The following PXK variants were observed in gnomAD, a reference collection of about 807,000 sequenced individuals.
PXK encodes PX domain containing serine/threonine kinase like.
In PXK, 35 loss-of-function variants were observed where a neutral mutation model predicts 84.7. The ratio of observed to expected loss-of-function variants is 0.41; its 90% confidence interval spans 0.32 to 0.55. PXK has a LOEUF of 0.55. Among genes scored for constraint, PXK ranks in the 20% least tolerant of loss-of-function variants. The probability of loss-of-function intolerance (pLI) is 0.21; values close to 1 mark genes in which losing one functional copy is unlikely to be tolerated. For missense variants in PXK, 634 were observed against 699.7 expected (o/e 0.91, Z 1.06); for synonymous variants, 253 against 260.8 (o/e 0.97, Z 0.29).
chr3:58,409,752 A>G lies in PXK; in HGVS notation c.1395+134A>G, dbSNP rs2059913916. 1.4e-6 allele frequency: 1 copy of G among 710,886 alleles called. No homozygotes were observed. Among genetic ancestry groups the G allele is most frequent in the African/African-American group, 2.0e-5 (1 of 49,312 alleles). 44.0% of individuals were successfully genotyped at this position (710,886 alleles called of 1,614,324 possible). Reference sequence around the variant, plus strand: ...TGAAAGCTAAGACTATTTCCAGATGACTGGGGTGCAGTTTTTTTGGGGAAA... The same window carrying G: ...TGAAAGCTAAGACTATTTCCAGATGGCTGGGGTGCAGTTTTTTTGGGGAAA... On this transcript the variant is annotated intron_variant, in intron 15 of 17. Transcript: ENST00000356151. This position sits in a 1 kb window ranked among gnomAD's most constrained non-coding sequence, Gnocchi z 4.2.
rs755694333 is a variant in PXK, at chr3:58,397,087, G to A, written c.871G>A (p.Ala291Thr). 3.7e-6 allele frequency: 6 copies of A among 1,614,110 alleles called. No individual in the cohort carries two copies. The highest frequency in any genetic ancestry group is 1.1e-5 in the South Asian group (1 of 91,078). ...DKGFPYGHLHASNVMLDGDTC... is the reference protein window; with the variant it reads ...DKGFPYGHLHTSNVMLDGDTC... ...GGGATTCCCTTATGGGCATCTTCAC[G>A]CCTCCAATGTGATGCTCGATGGGGA... Residue 291 changes from alanine to threonine, a missense_variant, in exon 10 of 18, where the codon GCC (alanine) becomes ACC (threonine). Physicochemically the swap from Ala to Thr is moderately conservative, Grantham distance 58 (BLOSUM62 0). Transcript: ENST00000356151. The surrounding 1 kb of genome is among the most constrained non-coding windows in gnomAD (Gnocchi z 4.7).
chr3:58,392,112 T>C (rs1029491992), intron 7 of PXK, among the ~76,000 whole-genome samples: 8 of 152,218 alleles, frequency 5.3e-5, no homozygotes, highest in African/African-American at 1.9e-4. Context: ...CAGCTACTTC[T>C]CCCAGCCTGT....
intron 7 of PXK, among the ~76,000 whole-genome samples, chr3:58,392,920 A>G (rs1015498189): frequency 2.6e-5 from 4 of 152,038 alleles, no homozygotes; most frequent in African/African-American, 9.7e-5. Flanking sequence ...TCGACTTCCC[A>G]AAGTGCTGGG....
At position 58,416,568 on chromosome 3, in the gene PXK, C is replaced by G. The variant is rs766953979; in HGVS notation, c.1528+3605C>G. Among the ~76,000 whole-genome samples the G allele has an allele frequency of 7.0e-6, 1 of 143,276 alleles. No homozygotes were observed. Among genetic ancestry groups the G allele is most frequent in the Non-Finnish European group, 1.5e-5 (1 of 65,702 alleles). The allele number at this position is 143,276 out of a possible 152,430, so 94.0% of individuals were successfully genotyped here. On this transcript the variant is annotated intron_variant, in intron 17 of 17. Coordinates refer to ENST00000356151, the MANE Select transcript of PXK (RefSeq NM_017771.5). The surrounding 1 kb of genome is among the most constrained non-coding windows in gnomAD (Gnocchi z 4.8). ...AATCTTTGATTTACATAGGCTTGCT[C>G]TGCCTTCAAGGCCTCTGCAGAGTGA...
rs1318498766 is a variant in PXK at position 58,383,446 on chromosome 3, T to C, written c.388+746T>C. Among the ~76,000 whole-genome samples, 1 of 152,200 alleles carries C rather than the reference T, an allele frequency of 6.6e-6. No individual in the cohort carries two copies. The highest frequency in any genetic ancestry group is 2.4e-5 in the African/African-American group (1 of 41,444). On this transcript the variant is annotated intron_variant, in intron 4 of 17. Coordinates refer to ENST00000356151, the MANE Select transcript of PXK (RefSeq NM_017771.5). The surrounding 1 kb of genome is among the most constrained non-coding windows in gnomAD (Gnocchi z 4.0). ...TATTTACAATATGTTGTGTGTTCTG[T>C]TTTTTCTGGGAATTTACTTTAAACA...
chr3:58,347,710 T>C (rs1164751080), intron 1 of PXK, among the ~76,000 whole-genome samples: 2 of 152,222 alleles, frequency 1.3e-5, no homozygotes, highest in Non-Finnish European at 2.9e-5. Flanking sequence ...TGTGTAGATA[T>C]ATTTTTTCAT....
At chr3:58,336,311 C>G (rs573881306) in intron 1 of PXK, among the ~76,000 whole-genome samples, 1 of 151,808 alleles carries the variant, frequency 6.6e-6, no homozygotes, top group African/African-American at 2.4e-5. Flanking sequence ...GAAGGGAACA[C>G]AAGGTCACCA....
In PXK at chr3:58,399,201, C is replaced by A; in HGVS notation, c.1103-98C>A. The A allele has an allele frequency of 9.6e-7, 1 of 1,040,872 alleles. No homozygotes were observed. The allele number at this position is 1,040,872 out of a possible 1,614,324, so 64.5% of individuals were successfully genotyped here. A position where few individuals can be genotyped will look rare whatever the true frequency, so the allele number is the denominator to read the frequency against. On this transcript the variant is annotated intron_variant, in intron 11 of 17. Coordinates refer to ENST00000356151, the MANE Select transcript of PXK (RefSeq NM_017771.5). The surrounding 1 kb of genome is among the most constrained non-coding windows in gnomAD (Gnocchi z 4.3). ...ATTTTTGACACTGTCCTGATCAGCC[C>A]GCAGACAGTTATTGCAAAGTGGTGT...
At chr3:58,378,062 A>T in intron 3 of PXK, among the ~76,000 whole-genome samples, 1 of 151,982 alleles carries the variant, frequency 6.6e-6, no homozygotes, top group East Asian at 1.9e-4. Context: ...CTAGCAAAAA[A>T]CCGTAAGTTT....
At chr3:58,420,019 G>GGCCT in intron 17 of PXK, among the ~76,000 whole-genome samples, 1 of 152,322 alleles carries the variant, frequency 6.6e-6, no homozygotes, top group Middle Eastern at 3.4e-3. Flanking sequence ...TCTGGCCTTA[G>GGCCT]GCCTGCTCAC....
intron 4 of PXK, among the ~76,000 whole-genome samples, chr3:58,386,018 T>G (rs62258093): frequency 6.6e-6 from 1 of 151,974 alleles, no homozygotes; most frequent in Non-Finnish European, 1.5e-5. Context: ...GATGGCTAAC[T>G]GGGAGCTCTC....
intron 1 of PXK, among the ~76,000 whole-genome samples, chr3:58,347,515 T>G (rs2097846129): frequency 6.6e-6 from 1 of 152,198 alleles, no homozygotes; most frequent in Non-Finnish European, 1.5e-5. Context: ...TGGTCTGGCT[T>G]CTTTTACTTA....
Position 58,409,544 on chromosome 3 carries a change from C to T in PXK, c.1321C>T (p.Arg441Ter), listed in dbSNP as rs770101402. The change falls in exon 15 of 18, where the codon CGA (arginine) becomes TGA (stop). Residue 441 changes from arginine (R) to a stop codon, truncating the protein, a stop_gained. Coordinates refer to ENST00000356151, the MANE Select transcript of PXK (RefSeq NM_017771.5). LOFTEE classifies it high-confidence loss of function. The surrounding 1 kb of genome is among the most constrained non-coding windows in gnomAD (Gnocchi z 4.2). ...IEEQKQIHQH[R>*]RLTRAQSHHG... ...TGGTCTTTTAAAGATTCACCAGCAT[C>T]GAAGACTGACAAGAGCTCAGTCCCA... 5.0e-6 allele frequency: 8 copies of T among 1,613,080 alleles called. No individual in the cohort carries two copies. The highest frequency in any genetic ancestry group is 6.8e-6 in the Non-Finnish European group (8 of 1,179,650).
chr3:58,422,466 G>C (rs779024598), intron 17 of PXK: 72 of 985,310 alleles, frequency 7.3e-5, no homozygotes, highest in Non-Finnish European at 8.7e-5. Context: ...CGTTCCATCT[G>C]CTTTACTGGA....
intron 1 of PXK, among the ~76,000 whole-genome samples, chr3:58,360,400 G>A (rs2098162840): frequency 6.6e-6 from 1 of 152,104 alleles, no homozygotes; most frequent in Non-Finnish European, 1.5e-5. Context: ...CGTCTCATTT[G>A]GCTTTATTTT....
rs1431499711 is a variant in PXK, at chr3:58,333,097, G to A, written c.102+7G>A. The A allele has an allele frequency of 8.5e-6, 10 of 1,172,626 alleles. No individual in the cohort carries two copies. The highest frequency in any genetic ancestry group is 9.5e-6 in the Non-Finnish European group (9 of 943,816). 72.6% of individuals were successfully genotyped at this position (1,172,626 alleles called of 1,614,324 possible). On this transcript the variant is annotated splice_region_variant and intron_variant, in intron 1 of 17. Transcript: ENST00000356151. This position sits in a 1 kb window ranked among gnomAD's most constrained non-coding sequence, Gnocchi z 5.4. ...GAGCCTGCAGTCCCACACGGTGCGC[G>A]GCCCAGCGGGCGGGCGGGCGGCGTG...
chr3:58,342,868 G>A (rs76432962), intron 1 of PXK, among the ~76,000 whole-genome samples: 8 of 152,308 alleles, frequency 5.3e-5, no homozygotes, highest in African/African-American at 1.2e-4. Context: ...TTAAGTGTGT[G>A]CACAGATGAC....
At chr3:58,402,417 G>GT (rs1358844918) in intron 12 of PXK, among the ~76,000 whole-genome samples, 4 of 150,790 alleles carry the variant, frequency 2.7e-5, no homozygotes, top group Admixed American at 6.6e-5. Flanking sequence ...TCATGCTATT[G>GT]TTTTTTTCTT....
chr3:58,365,809 A>T (rs2098261462), intron 1 of PXK, 65 bp from the exon 2 acceptor site: 3 of 1,301,622 alleles, frequency 2.3e-6, no homozygotes, highest in East Asian at 2.5e-5. Context: ...CTTATTTTTG[A>T]TTCCCTGCTT....
Sources: allele counts gnomAD v4.1 joint callset (sites outside exome capture counted in the v4.1 genomes callset), GRCh38; gene constraint gnomAD v4.1.1; non-coding constraint Gnocchi (gnomAD v3.1); transcripts MANE v1.5; gene names NCBI Gene and HGNC (gene_info 2026-07-23, HGNC 2026-07-21).